The following CEP126 variants were observed in gnomAD, a reference collection of about 807,000 sequenced individuals.
CEP126 encodes the protein centrosomal protein 126.
CEP126 carries 74 observed loss-of-function variants against 107.8 expected under a neutral mutation model. The observed-to-expected ratio is 0.69, with a 90% CI of 0.57 to 0.83. The LOEUF is 0.83. Among genes scored for constraint, CEP126 ranks in the 40% least tolerant of loss-of-function variants. The pLI is 0.00. For missense variants in CEP126, 1,237 were observed against 1,281.9 expected (o/e 0.96, Z 0.53); for synonymous variants, 449 against 446.0 (o/e 1.01, Z -0.08).
In CEP126 at chr11:101,915,221, G is replaced by A; in HGVS notation, c.-64G>A. The stretch of plus-strand genomic sequence containing the variant: ...AGGGAGGGGCCGAGCAGGAGGAGGA[G>A]GAAGCCGGAGCTGCCATGAGGGAGG... On this transcript the variant is annotated 5_prime_UTR_variant, in exon 1 of 11. Coordinates refer to ENST00000263468, the MANE Select transcript of CEP126 (RefSeq NM_020802.4). The A allele has an allele frequency of 6.2e-7, 1 of 1,600,482 alleles. No individual in the cohort carries two copies. The highest frequency in any genetic ancestry group is 8.5e-7 in the Non-Finnish European group (1 of 1,172,990).
rs371550817 is a variant in CEP126, at chr11:101,946,993, T to C, written c.395-1038T>C. Among the ~76,000 whole-genome samples, 17 of 152,310 alleles carry C rather than the reference T, an allele frequency of 1.1e-4. No individual in the cohort carries two copies. In the East Asian group the frequency reaches 3.3e-3, roughly 29 times the overall value. On this transcript the variant is annotated intron_variant, in intron 3 of 10. Transcript: ENST00000263468. ...ATAGATGCATCCTTTATGATGTGAA[T>C]ATCAGCAGACTATCCTGTAGCTTTG...
chr11:101,979,977 A>T (rs1462952544), intron 7 of CEP126, among the ~76,000 whole-genome samples: 1 of 152,178 alleles, frequency 6.6e-6, no homozygotes. Context: ...ATGCCTTATG[A>T]AGAATTTATA....
At chr11:101,964,328 C>T (rs1271322955) in intron 6 of CEP126, among the ~76,000 whole-genome samples, 1 of 147,118 alleles carries the variant, frequency 6.8e-6, no homozygotes, top group East Asian at 2.1e-4. Context: ...AAGTAACTTA[C>T]CTCCTGTAAT....
intron 6 of CEP126, among the ~76,000 whole-genome samples, chr11:101,966,155 T>A (rs1941054995): frequency 6.6e-6 from 1 of 152,212 alleles, no homozygotes; most frequent in Non-Finnish European, 1.5e-5. Context: ...TTCTTAAATG[T>A]TCTTAAATAT....
At position 101,921,753 on chromosome 11, in the gene CEP126, C is replaced by G. The variant is rs11225066; in HGVS notation, c.129-888C>G. Among the ~76,000 whole-genome samples, 24 of 106,846 alleles carry G rather than the reference C, an allele frequency of 2.2e-4. No individual in the cohort carries two copies. In the East Asian group the frequency reaches 4.5e-3, roughly 20 times the overall value. 70.1% of individuals were successfully genotyped at this position (106,846 alleles called of 152,430 possible). On this transcript the variant is annotated intron_variant, in intron 1 of 10. Transcript: ENST00000263468. ...GTGTAATGAATGAAGATATACAGTC[C>G]TCTTTATCTGAAGTTCATGATTTCT... is the stretch of plus-strand genomic sequence containing the variant.
intron 5 of CEP126, among the ~76,000 whole-genome samples, chr11:101,959,443 A>G (rs1055662092): frequency 7.9e-5 from 12 of 152,128 alleles, no homozygotes; most frequent in East Asian, 7.7e-4. Context: ...ATGAGCCACC[A>G]TGCCTGGCCA....
intron 6 of CEP126, among the ~76,000 whole-genome samples, chr11:101,966,984 T>C (rs545904190): frequency 6.6e-6 from 1 of 151,818 alleles, no homozygotes; most frequent in South Asian, 2.1e-4. Context: ...TAGTCCAGTA[T>C]TTTCTCTACT....
chr11:101,956,207 C>T (rs1288935071), intron 4 of CEP126: 1 of 456,392 alleles, frequency 2.2e-6, no homozygotes, highest in Admixed American at 2.3e-5. Context: ...CCTTCCAGCA[C>T]AGCATTCTAC....
At position 101,944,287 on chromosome 11, in the gene CEP126, G is replaced by C; in HGVS notation, c.271G>C (p.Glu91Gln). 6.2e-7 allele frequency: 1 copy of C among 1,601,956 alleles called. No individual in the cohort carries two copies. Residue 91 changes from glutamate to glutamine, a missense_variant, in exon 3 of 11, where the codon GAA (glutamate) becomes CAA (glutamine). Glu to Gln is a conservative substitution (Grantham distance 29). Coordinates refer to ENST00000263468, the MANE Select transcript of CEP126 (RefSeq NM_020802.4). ...TAGAGCTTTTGAGGAGAAACGAAAA[G>C]AACAGGAAGAAAAAGAACACCAAAT... ...RKKAFEEKRK[E>Q]QEEKEHQIRE...
chr11:101,972,291 T>G (rs4643040), intron 6 of CEP126, among the ~76,000 whole-genome samples: 57,525 of 151,050 alleles, frequency 0.38, 11,129 homozygotes, highest in East Asian at 0.51. Flanking sequence ...CCGGGCGTGG[T>G]AGAGGGCGCC....
rs775236441 is a variant in CEP126, at chr11:101,963,001, A to G, written c.1966A>G (p.Thr656Ala). 6.2e-7 allele frequency: 1 copy of G among 1,613,888 alleles called. No homozygotes were observed. The highest frequency in any genetic ancestry group is 8.5e-7 in the Non-Finnish European group (1 of 1,179,946). ...TTCACTGAAGAATAAAACAGGAACA[A>G]CTCAACAGCATTCTCAACAATTCCA... is the stretch of plus-strand genomic sequence containing the variant. ...SHSLKNKTGT[T>A]QQHSQQFHIQ... Residue 656 changes from threonine (T) to alanine (A), a missense_variant, in exon 6 of 11, where the codon ACT becomes GCT. By Grantham distance (58) the Thr-to-Ala change is moderately conservative. Around this residue, in one of 3 missense-constraint regions of CEP126, gnomAD observed 1,134 missense variants for 1,150.5 expected, o/e 0.99. Coordinates refer to ENST00000263468, the MANE Select transcript of CEP126 (RefSeq NM_020802.4).
Position 101,986,914 on chromosome 11 carries a change from G to C in CEP126, c.3117G>C (p.Leu1039Phe), listed in dbSNP as rs1941322649. 3.7e-6 allele frequency: 6 copies of C among 1,613,680 alleles called. No homozygotes were observed. Among genetic ancestry groups the C allele is most frequent in the East Asian group, 2.2e-5 (1 of 44,808 alleles). ...CGGAGGATGAGATTCTGACTGTCTTGAATAGCAAACAGATACAGAAATCAA... is the reference window on the plus strand; with the variant it reads ...CGGAGGATGAGATTCTGACTGTCTTCAATAGCAAACAGATACAGAAATCAA... Reference protein sequence around the residue: ...SVPEDEILTVLNSKQIQKSNL... With the variant: ...SVPEDEILTVFNSKQIQKSNL... The change falls in exon 9 of 11, where the codon TTG (leucine) becomes TTC (phenylalanine). Residue 1039 changes from leucine (L) to phenylalanine (F), a missense_variant. By Grantham distance (22) the Leu-to-Phe change is conservative (BLOSUM62 0). Transcript: ENST00000263468.
chr11:101,973,789 ATAACT>A (rs1941161162), intron 6 of CEP126, among the ~76,000 whole-genome samples: 1 of 152,212 alleles, frequency 6.6e-6, no homozygotes, highest in Non-Finnish European at 1.5e-5. Flanking sequence ...TCTAATTATG[ATAACT>A]TATATTGTCC....
At chr11:101,960,655 T>C (rs182786747) in intron 5 of CEP126, among the ~76,000 whole-genome samples, 2 of 152,222 alleles carry the variant, frequency 1.3e-5, no homozygotes, top group South Asian at 2.1e-4. Context: ...GAACTAACTA[T>C]ATAAATTAAA....
At chr11:101,939,104 A>G (rs1006537826) in intron 2 of CEP126, among the ~76,000 whole-genome samples, 1 of 152,140 alleles carries the variant, frequency 6.6e-6, no homozygotes, top group Non-Finnish European at 1.5e-5. Context: ...TGTTGTTCAA[A>G]TATTCTATAT....
intron 7 of CEP126, among the ~76,000 whole-genome samples, chr11:101,978,871 G>A (rs981612571): frequency 3.9e-5 from 6 of 152,188 alleles, no homozygotes; most frequent in East Asian, 3.8e-4. Context: ...GCTCACACCT[G>A]TAATCCTGGC....
At chr11:101,982,897 G>A (rs1941273502) in intron 8 of CEP126, among the ~76,000 whole-genome samples, 1 of 152,078 alleles carries the variant, frequency 6.6e-6, no homozygotes, top group Non-Finnish European at 1.5e-5. Flanking sequence ...TAAAACACAA[G>A]CTCATACCAT....
chr11:101,957,194 A>G (rs1940910939), intron 4 of CEP126, among the ~76,000 whole-genome samples: 1 of 152,204 alleles, frequency 6.6e-6, no homozygotes, highest in African/African-American at 2.4e-5. Context: ...AAAGATATAT[A>G]TATGGATATT....
In CEP126 at chr11:101,922,689, A is replaced by G. The variant is rs1458754054; in HGVS notation, c.177A>G (p.Ile59Met). Residue 59 changes from isoleucine (I) to methionine (M), a missense_variant, in exon 2 of 11, where the codon ATA (isoleucine) becomes ATG (methionine). Around this residue, in one of 3 missense-constraint regions of CEP126, gnomAD observed 1,134 missense variants for 1,150.5 expected, o/e 0.99. Coordinates refer to ENST00000263468, the MANE Select transcript of CEP126 (RefSeq NM_020802.4). ...AAAATTTAGAAGAAGAGCGCCAGATATTACTGCAGCAACAAAAAATATGTC... is the reference window on the plus strand; with the variant it reads ...AAAATTTAGAAGAAGAGCGCCAGATGTTACTGCAGCAACAAAAAATATGTC... ...LEKNLEEERQ[I>M]LLQQQKICRN... 7.5e-6 allele frequency: 12 copies of G among 1,610,082 alleles called. No homozygotes were observed. The highest frequency in any genetic ancestry group is 9.3e-6 in the Non-Finnish European group (11 of 1,176,562).
Sources: allele counts gnomAD v4.1 joint callset (sites outside exome capture counted in the v4.1 genomes callset), GRCh38; gene constraint gnomAD v4.1.1; regional missense constraint gnomAD v4.1.1; transcripts MANE v1.5; gene names NCBI Gene and HGNC (gene_info 2026-07-23, HGNC 2026-07-21).